ADGRB3: variants seen among roughly 807,000 people sequenced by gnomAD.
ADGRB3 encodes the protein brain-specific angiogenesis inhibitor 3.
Under a neutral mutation model 193.4 loss-of-function variants are expected in ADGRB3, and 37 were observed. The ratio of observed to expected loss-of-function variants is 0.19; its 90% CI spans 0.15 to 0.25. The LOEUF (loss-of-function observed/expected upper bound fraction) is 0.25, where lower values mean the gene tolerates loss of function less well. ADGRB3 is among the 10% of genes least tolerant of loss of function. The pLI is 1.00. For synonymous variants in ADGRB3, 690 were observed against 644.2 expected, an observed-to-expected ratio of 1.07 and a Z score of -1.08; for missense variants, 1,637 against 1,852.9, an observed-to-expected ratio of 0.88 and a Z score of 2.14.
Position 69,037,866 on chromosome 6 carries a change from T to G in ADGRB3, c.2108-10319T>G, listed in dbSNP as rs191518365. 2.3e-4 allele frequency among the ~76,000 whole-genome samples: 35 copies of G among 152,324 alleles called. No homozygotes were observed. In the East Asian group the frequency reaches 6.4e-3, roughly 28 times the overall value. Reference sequence around the variant, plus strand: ...TACATGAAAAGCTTTCTCTATTTAGTATAGCTTCCCAAGCCAAATCCATCA... The same window carrying G: ...TACATGAAAAGCTTTCTCTATTTAGGATAGCTTCCCAAGCCAAATCCATCA... On this transcript the variant is annotated intron_variant, in intron 13 of 31. Coordinates refer to ENST00000370598, the MANE Select transcript of ADGRB3 (RefSeq NM_001704.3).
chr6:68,773,812 A>G (rs564362582), intron 3 of ADGRB3, among the ~76,000 whole-genome samples: 8 of 152,224 alleles, frequency 5.3e-5, no homozygotes, highest in Admixed American at 5.2e-4. Context: ...TCATTACGGT[A>G]GCAGCAAGAC....
intron 20 of ADGRB3, among the ~76,000 whole-genome samples, chr6:69,283,285 G>C (rs1028952197): frequency 5.9e-5 from 9 of 152,138 alleles, no homozygotes; most frequent in Non-Finnish European, 8.8e-5. Flanking sequence ...TAATGAAAAT[G>C]AAGTAAGACT....
At chr6:68,759,159 A>G (rs1173565564) in intron 3 of ADGRB3, among the ~76,000 whole-genome samples, 1 of 152,166 alleles carries the variant, frequency 6.6e-6, no homozygotes, top group East Asian at 1.9e-4. Flanking sequence ...ATTAAATTAT[A>G]GAAGACATGG....
At chr6:69,256,937 C>T (rs1195012148) in intron 20 of ADGRB3, among the ~76,000 whole-genome samples, 1 of 151,672 alleles carries the variant, frequency 6.6e-6, no homozygotes. Flanking sequence ...TGTCAAAGAC[C>T]TTTTCTGCAT....
Position 69,233,372 on chromosome 6 carries a change from C to T in ADGRB3, c.2563C>T (p.Arg855Cys), listed in dbSNP as rs769780063. Reference protein sequence around the residue: ...DASHTKCLCDRLSTFAILAQQ... With the variant: ...DASHTKCLCDCLSTFAILAQQ... ...ATCCCATACGAAATGCTTATGTGAT[C>T]GTCTCTCTACCTTCGCCATTTTGGC... is the stretch of plus-strand genomic sequence containing the variant. The change falls in exon 18 of 32, where the codon CGT becomes TGT. Residue 855 changes from arginine to cysteine, a missense_variant. Physicochemically the swap from Arg to Cys is radical, Grantham distance 180. This residue lies in a region of ADGRB3 where 641 missense variants were observed against 673.9 expected (regional missense o/e 0.95). Transcript: ENST00000370598. 8 of 1,614,006 alleles carry T rather than the reference C, an allele frequency of 5.0e-6. No homozygotes were observed. The South Asian group carries it at 7.7e-5, about 16-fold the overall frequency.
At chr6:69,127,847 A>G (rs1773895037) in intron 17 of ADGRB3, among the ~76,000 whole-genome samples, 1 of 152,078 alleles carries the variant, frequency 6.6e-6, no homozygotes, top group Non-Finnish European at 1.5e-5. Flanking sequence ...TGACCTGGGA[A>G]TTTGTATGAG....
intron 3 of ADGRB3, among the ~76,000 whole-genome samples, chr6:68,740,972 G>C (rs945715289): frequency 2.9e-4 from 44 of 152,112 alleles, no homozygotes; most frequent in Non-Finnish European, 8.8e-5. Flanking sequence ...TGCATACAGT[G>C]ATATATGTTT....
intron 3 of ADGRB3, among the ~76,000 whole-genome samples, chr6:68,739,619 G>A (rs1582161871): frequency 6.6e-6 from 1 of 152,042 alleles, no homozygotes; most frequent in Non-Finnish European, 1.5e-5. Flanking sequence ...CATTTTTTGA[G>A]AATAAACAGC....
chr6:68,914,060 C>T (rs1362043914), intron 3 of ADGRB3, among the ~76,000 whole-genome samples: 51 of 151,818 alleles, frequency 3.4e-4, no homozygotes, highest in East Asian at 3.9e-4. Context: ...ACCAAATCTA[C>T]GTCTGATTGG....
intron 4 of ADGRB3, among the ~76,000 whole-genome samples, chr6:68,933,799 C>T (rs1767413148): frequency 6.6e-6 from 1 of 152,116 alleles, no homozygotes; most frequent in African/African-American, 2.4e-5. Flanking sequence ...ATGACTTTCT[C>T]AAGGTCACAG....
At chr6:68,930,178 T>C (rs930517609) in intron 3 of ADGRB3, among the ~76,000 whole-genome samples, 11 of 152,048 alleles carry the variant, frequency 7.2e-5, no homozygotes, top group African/African-American at 2.6e-4. Flanking sequence ...CTGGGGGTGA[T>C]TGTTGTTTAG....
At chr6:68,862,000 T>A (rs558687238) in intron 3 of ADGRB3, among the ~76,000 whole-genome samples, 172 of 152,314 alleles carry the variant, frequency 1.1e-3, no homozygotes, top group Non-Finnish European at 1.7e-3. Context: ...CCTACTGTTC[T>A]TGCCCACTCT....
At chr6:69,028,367 C>G (rs936918567) in intron 13 of ADGRB3, among the ~76,000 whole-genome samples, 1 of 151,732 alleles carries the variant, frequency 6.6e-6, no homozygotes, top group East Asian at 1.9e-4. Context: ...TTAATAAAAA[C>G]GTAAAAATAA....
At chr6:68,825,632 C>T (rs182614745) in intron 3 of ADGRB3, among the ~76,000 whole-genome samples, 2 of 151,982 alleles carry the variant, frequency 1.3e-5, no homozygotes, top group South Asian at 4.1e-4. Flanking sequence ...AGGGAGAGAC[C>T]AGGTGGAGGT....
chr6:68,767,313 C>A (rs898795191), intron 3 of ADGRB3, among the ~76,000 whole-genome samples: 8 of 152,148 alleles, frequency 5.3e-5, no homozygotes, highest in Non-Finnish European at 1.0e-4. Flanking sequence ...CAAGCCGAAT[C>A]CAGCAGCACA....
chr6:68,908,713 G>T (rs1582305287), intron 3 of ADGRB3, among the ~76,000 whole-genome samples: 1 of 152,208 alleles, frequency 6.6e-6, no homozygotes, highest in African/African-American at 2.4e-5. Flanking sequence ...AGCCCTTGTT[G>T]TGACTTCCGT....
At chr6:68,665,378 G>T (rs1561987765) in intron 3 of ADGRB3, among the ~76,000 whole-genome samples, 1 of 151,658 alleles carries the variant, frequency 6.6e-6, no homozygotes. Flanking sequence ...TGGAAGAAAA[G>T]ATAAAAAAGA....
chr6:69,057,583 T>C (rs1031933527), intron 15 of ADGRB3, among the ~76,000 whole-genome samples: 6 of 152,034 alleles, frequency 3.9e-5, no homozygotes, highest in Admixed American at 6.6e-5. Flanking sequence ...ATATAAGACC[T>C]TTGCTATGTT....
chr6:68,745,507 T>C (rs1766066584), intron 3 of ADGRB3, among the ~76,000 whole-genome samples: 1 of 152,104 alleles, frequency 6.6e-6, no homozygotes, highest in African/African-American at 2.4e-5. Context: ...GTTATGAACA[T>C]CTGTTTCCCA....
Sources: gnomAD v4.1 joint callset for allele counts (sites outside exome capture counted in the v4.1 genomes callset) on GRCh38, gnomAD v4.1.1 for gene constraint, gnomAD v4.1.1 regional missense constraint, MANE v1.5 for transcripts, NCBI Gene and HGNC (gene_info 2026-07-23, HGNC 2026-07-21) for gene names.